MRPL49: variants seen among roughly 807,000 people sequenced by gnomAD.
The protein encoded by MRPL49 is large ribosomal subunit protein mL49.
Under a neutral mutation model 18.4 loss-of-function variants are expected in MRPL49, and 14 were observed. That is an observed-to-expected ratio of 0.76 (90% confidence interval 0.50 to 1.19). MRPL49 has a LOEUF of 1.19. MRPL49 is among the 50% of genes most tolerant of loss of function. The pLI is 0.00. For missense variants in MRPL49, 190 were observed against 217.8 expected, an observed-to-expected ratio of 0.87 and a Z score of 0.80; for synonymous variants, 104 against 86.2, an observed-to-expected ratio of 1.21 and a Z score of -1.14.
At chr11:65,122,255 C>G, upstream of MRPL49, 1 of 1,418,324 alleles carries the variant, frequency 7.1e-7, no homozygotes, top group South Asian at 1.2e-5. Context: ...CCTTTACGCT[C>G]GCACCGGCGA....
rs1175466474 is a variant in MRPL49, at chr11:65,127,215, G to A, written c.*1343G>A. 2 of 544,922 alleles carry A rather than the reference G, an allele frequency of 3.7e-6. No homozygotes were observed. The highest frequency in any genetic ancestry group is 3.8e-5 in the African/African-American group (2 of 52,192). 33.8% of individuals were successfully genotyped at this position (544,922 alleles called of 1,614,324 possible). On this transcript the variant is annotated 3_prime_UTR_variant, in exon 4 of 4. Coordinates refer to ENST00000279242, the MANE Select transcript of MRPL49 (RefSeq NM_004927.4). ...CCTGGAGATTCCATTCCATTTTCAA[G>A]TGTACAGCCACAGCAAGGAGCCCGA...
chr11:65,122,285 T>C (rs1948058199), upstream of MRPL49: 1 of 1,576,964 alleles, frequency 6.3e-7, no homozygotes, highest in East Asian at 2.3e-5. Context: ...GGCAGGCAGC[T>C]CGCGCAGGAC....
In MRPL49 at chr11:65,122,359, A is replaced by G. The variant is rs749373002; in HGVS notation, c.13A>G (p.Met5Val). The change falls in exon 1 of 4, where the codon ATG becomes GTG. Residue 5 changes from methionine (M) to valine (V), a missense_variant. Met to Val is a conservative substitution (Grantham distance 21, BLOSUM62 1). Transcript: ENST00000279242. Reference sequence around the variant, plus strand: ...GTAGCAGGTAAAGATGGCAGCTACCATGTTCCGGGCTACGCTGCGGGGATG... The same window carrying G: ...GTAGCAGGTAAAGATGGCAGCTACCGTGTTCCGGGCTACGCTGCGGGGATG... MAAT[M>V]FRATLRGWRT... 2.5e-6 allele frequency: 4 copies of G among 1,612,770 alleles called. No homozygotes were observed. Among genetic ancestry groups the G allele is most frequent in the South Asian group, 1.1e-5 (1 of 90,952 alleles).
chr11:65,122,762 C>T (rs1374101031), intron 1 of MRPL49, among the ~76,000 whole-genome samples: 2 of 151,140 alleles, frequency 1.3e-5, no homozygotes, highest in Non-Finnish European at 3.0e-5. Flanking sequence ...CTCTGTCGCC[C>T]AGGCTGGAGG....
Position 65,126,077 on chromosome 11 carries a change from A to C in MRPL49, c.*205A>C. 3.8e-6 allele frequency: 2 copies of C among 526,188 alleles called. No homozygotes were observed. Among genetic ancestry groups the C allele is most frequent in the South Asian group, 5.9e-5 (2 of 33,692 alleles). The allele number at this position is 526,188 out of a possible 1,614,324, so 32.6% of individuals were successfully genotyped here. ...GAGAGTGCCTAATGTGGGAGACCAA[A>C]TAGGGATCACCAGGCTAATGGGGGG... On this transcript the variant is annotated 3_prime_UTR_variant, in exon 4 of 4. Transcript: ENST00000279242.
At chr11:65,123,795 A>G (rs1948075842) in intron 1 of MRPL49, among the ~76,000 whole-genome samples, 1 of 152,222 alleles carries the variant, frequency 6.6e-6, no homozygotes, top group Non-Finnish European at 1.5e-5. Context: ...GTTTTGAGAC[A>G]GTTATCCTTG....
At chr11:65,125,633 G>C in intron 3 of MRPL49, 21 bp downstream of exon 3, 1 of 1,613,982 alleles carries the variant, frequency 6.2e-7, no homozygotes, top group Non-Finnish European at 8.5e-7. Flanking sequence ...GGGTGGGTCT[G>C]GGACTGGGCC....
intron 2 of MRPL49, 29 bp from the exon 3 acceptor site, chr11:65,125,459 T>A (rs1948090266): frequency 6.2e-7 from 1 of 1,611,650 alleles, no homozygotes; most frequent in African/African-American, 1.3e-5. Context: ...TAGGAAGAGT[T>A]GATTTAACAG....
In MRPL49 at chr11:65,125,808, C is replaced by T. The variant is rs765953419; in HGVS notation, c.437C>T (p.Thr146Ile). Residue 146 changes from threonine (T) to isoleucine (I), a missense_variant, in exon 4 of 4, where the codon ACC becomes ATC. By Grantham distance (89) the Thr-to-Ile change is moderately conservative. Transcript: ENST00000279242. ...ACCCAGGTCAATGAGGTGACAGGTA[C>T]CCTACGGATCAAGGGCTACTTTGAC... ...PVTQVNEVTG[T>I]LRIKGYFDQE... 1 of 1,612,764 alleles carries T rather than the reference C, an allele frequency of 6.2e-7. No homozygotes were observed.
At position 65,127,243 on chromosome 11, in the gene MRPL49, C is replaced by T. The variant is rs919551422; in HGVS notation, c.*1371C>T. 1.2e-5 allele frequency: 6 copies of T among 513,726 alleles called. No individual in the cohort carries two copies. The highest frequency in any genetic ancestry group is 3.2e-5 in the East Asian group (1 of 30,908). 31.8% of individuals were successfully genotyped at this position (513,726 alleles called of 1,614,324 possible). ...TACAGCCACAGCAAGGAGCCCGACA[C>T]TGATTTGATCGATTCTGTGACACAA... On this transcript the variant is annotated 3_prime_UTR_variant, in exon 4 of 4. Coordinates refer to ENST00000279242, the MANE Select transcript of MRPL49 (RefSeq NM_004927.4).
chr11:65,123,533 G>C (rs1948073113), intron 1 of MRPL49, among the ~76,000 whole-genome samples: 1 of 152,202 alleles, frequency 6.6e-6, no homozygotes, highest in Non-Finnish European at 1.5e-5. Flanking sequence ...TCAGGAGTTT[G>C]AGACAAGCCT....
At position 65,122,423 on chromosome 11, in the gene MRPL49, T is replaced by G; in HGVS notation, c.77T>G (p.Leu26Trp). ...GVQRGCGLRL[L>W]SQTQGPPDYP... ...CAGCGGGGCTGCGGGCTACGGCTGT[T>G]GGTGAGAGCGCTGAGCGAGGAGCTG... The change falls in exon 1 of 4, where the codon TTG (leucine) becomes TGG (tryptophan). Residue 26 changes from leucine to tryptophan, a missense_variant and splice_region_variant. Transcript: ENST00000279242. 2 of 1,611,832 alleles carry G rather than the reference T, an allele frequency of 1.2e-6. No individual in the cohort carries two copies. The highest frequency in any genetic ancestry group is 1.7e-6 in the Non-Finnish European group (2 of 1,179,114).
At position 65,123,706 on chromosome 11, in the gene MRPL49, C is replaced by A. The variant is rs919044773; in HGVS notation, c.79-796C>A. Among the ~76,000 whole-genome samples the A allele has an allele frequency of 5.9e-5, 9 of 151,894 alleles. No homozygotes were observed. In the South Asian group the frequency reaches 1.9e-3, roughly 32 times the overall value. ...CCGAGATCACACCACTGCACTCCAG[C>A]CTAGGTGACAGAGTGAGACTCTATC... is the stretch of plus-strand genomic sequence containing the variant. On this transcript the variant is annotated intron_variant, in intron 1 of 3. Coordinates refer to ENST00000279242, the MANE Select transcript of MRPL49 (RefSeq NM_004927.4).
At chr11:65,122,278 A>G (rs988064282), upstream of MRPL49, 4 of 1,555,350 alleles carry the variant, frequency 2.6e-6, no homozygotes, top group East Asian at 4.6e-5. Flanking sequence ...CTGCCTGGGC[A>G]GGCAGCTCGC....
chr11:65,127,325 T>C lies in MRPL49; in HGVS notation c.*1453T>C. ...TGGCTGTATATACAATTTAAGCTAT[T>C]AAAATTTGTACAATATTTACAAATT... On this transcript the variant is annotated 3_prime_UTR_variant, in exon 4 of 4. Transcript: ENST00000279242. 1 of 398,430 alleles carries C rather than the reference T, an allele frequency of 2.5e-6. No homozygotes were observed. The highest frequency in any genetic ancestry group is 6.1e-5 in the South Asian group (1 of 16,484). The allele number at this position is 398,430 out of a possible 1,614,324, so 24.7% of individuals were successfully genotyped here. A position where few individuals can be genotyped will look rare whatever the true frequency, so the allele number is the denominator to read the frequency against.
In MRPL49 at chr11:65,125,726, G is replaced by A. The variant is rs1186725321; in HGVS notation, c.355G>A (p.Ala119Thr). 1 of 1,613,740 alleles carries A rather than the reference G, an allele frequency of 6.2e-7. No individual in the cohort carries two copies. Among genetic ancestry groups the A allele is most frequent in the African/African-American group, 1.3e-5 (1 of 74,880 alleles). The change falls in exon 4 of 4, where the codon GCC (alanine) becomes ACC (threonine). Residue 119 changes from alanine to threonine, a missense_variant and splice_region_variant. Physicochemically the swap from Ala to Thr is moderately conservative, Grantham distance 58. Coordinates refer to ENST00000279242, the MANE Select transcript of MRPL49 (RefSeq NM_004927.4). ...GACCTGATTTGTCATCTTTCCCCAG[G>A]CCCTGCAGAAAGACGTGGAAGATTT... is the stretch of plus-strand genomic sequence containing the variant. ...VIRKVEGDIWALQKDVEDFLS... is the reference protein window; with the variant it reads ...VIRKVEGDIWTLQKDVEDFLS...
rs1948098894 is a variant in MRPL49 at position 65,126,116 on chromosome 11, C to T, written c.*244C>T. On this transcript the variant is annotated 3_prime_UTR_variant, in exon 4 of 4. Transcript: ENST00000279242. ...GCTAATGGGGGGCGTCAGCAGCTTTCTCTCCCTCCTATCTTGGCCTGTTCT... is the reference window on the plus strand; with the variant it reads ...GCTAATGGGGGGCGTCAGCAGCTTTTTCTCCCTCCTATCTTGGCCTGTTCT... 2.2e-6 allele frequency: 1 copy of T among 450,618 alleles called. No homozygotes were observed. The allele number at this position is 450,618 out of a possible 1,614,324, so 27.9% of individuals were successfully genotyped here. A position where few individuals can be genotyped will look rare whatever the true frequency, so the allele number is the denominator to read the frequency against.
upstream of MRPL49, chr11:65,122,203 T>G (rs1354384917): frequency 1.2e-6 from 1 of 808,746 alleles, no homozygotes. Context: ...GACCGCGCGG[T>G]TCCCTGCTAT....
At chr11:65,123,356 C>T (rs1948071607) in intron 1 of MRPL49, among the ~76,000 whole-genome samples, 2 of 152,174 alleles carry the variant, frequency 1.3e-5, no homozygotes, top group African/African-American at 4.8e-5. Flanking sequence ...ACCTAAATAA[C>T]AGACTCTAAA....
Sources: allele counts gnomAD v4.1 joint callset (sites outside exome capture counted in the v4.1 genomes callset), GRCh38; gene constraint gnomAD v4.1.1; transcripts MANE v1.5; gene names NCBI Gene and HGNC (gene_info 2026-07-23, HGNC 2026-07-21).